Variants in LHFPL3 observed in about 807,000 individuals in gnomAD.
LHFPL3 encodes the protein LHFPL tetraspan subfamily member 3, also known as LHFPL tetraspan subfamily member 3 protein.
LHFPL3 carries 5 observed loss-of-function variants against 19.3 expected under a neutral mutation model. The observed-to-expected ratio is 0.26, with a 90% CI of 0.14 to 0.54. The LOEUF is 0.54. Ranked by LOEUF, LHFPL3 falls within the 20% of genes least tolerant of loss-of-function variation. LHFPL3 has a pLI of 0.94. For missense variants in LHFPL3, 249 were observed against 307.4 expected, an observed-to-expected ratio of 0.81 and a Z score of 1.42; for synonymous variants, 133 against 126.2, an observed-to-expected ratio of 1.05 and a Z score of -0.36.
intron 1 of LHFPL3, among the ~76,000 whole-genome samples, chr7:104,449,827 T>C (rs1201267457): frequency 6.6e-6 from 1 of 152,190 alleles, no homozygotes; most frequent in East Asian, 1.9e-4. Context: ...CTCTGAGCTC[T>C]CTTCCCAAAA....
intron 1 of LHFPL3, among the ~76,000 whole-genome samples, chr7:104,347,321 GT>G (rs944867517): frequency 6.6e-6 from 1 of 152,132 alleles, no homozygotes. Context: ...ATTGAGTAAG[GT>G]CAGTCCTTTC....
chr7:104,358,587 C>G (rs1478619970), intron 1 of LHFPL3, among the ~76,000 whole-genome samples: 1 of 152,178 alleles, frequency 6.6e-6, no homozygotes, highest in Non-Finnish European at 1.5e-5. Context: ...TTTACTTAGA[C>G]AACTTGAAAG....
chr7:104,467,245 T>C (rs1028056291), intron 1 of LHFPL3, among the ~76,000 whole-genome samples: 1 of 152,104 alleles, frequency 6.6e-6, no homozygotes, highest in African/African-American at 2.4e-5. Flanking sequence ...ATCTCACATG[T>C]TTGGTGCAAC....
intron 2 of LHFPL3, among the ~76,000 whole-genome samples, chr7:104,808,890 C>CTTTTTT (rs151212974): frequency 2.6e-5 from 2 of 77,214 alleles, no homozygotes; most frequent in African/African-American, 5.6e-5. Flanking sequence ...ATGATAGATC[C>CTTTTTT]TTTTTTTTTT....
chr7:104,432,535 T>G (rs1792022508), intron 1 of LHFPL3, among the ~76,000 whole-genome samples: 1 of 152,164 alleles, frequency 6.6e-6, no homozygotes, highest in South Asian at 2.1e-4. Context: ...CTCATCTCCT[T>G]CAAAGGCCTC....
At chr7:104,522,704 C>T (rs147153428) in intron 1 of LHFPL3, among the ~76,000 whole-genome samples, 6 of 152,194 alleles carry the variant, frequency 3.9e-5, no homozygotes, top group East Asian at 3.9e-4. Flanking sequence ...TCTTTCTTGC[C>T]ATTTGTCCTG....
intron 2 of LHFPL3, 118 bp from the exon 3 acceptor site, chr7:104,906,068 CA>C: frequency 1.1e-6 from 1 of 905,378 alleles, no homozygotes; most frequent in South Asian, 1.5e-5. Flanking sequence ...GCATTTGAAC[CA>C]TTCATTGGTA....
intron 1 of LHFPL3, among the ~76,000 whole-genome samples, chr7:104,618,401 T>C (rs1791387055): frequency 6.6e-6 from 1 of 152,190 alleles, no homozygotes; most frequent in African/African-American, 2.4e-5. Flanking sequence ...GATGAGGAGA[T>C]TGAGGCATAA....
intron 2 of LHFPL3, among the ~76,000 whole-genome samples, chr7:104,896,453 GCT>G (rs1792363023): frequency 1.3e-5 from 2 of 152,296 alleles, no homozygotes; most frequent in South Asian, 4.1e-4. Flanking sequence ...CAAAAGGTGA[GCT>G]CCATTAACGG....
chr7:104,484,190 C>T (rs758106588), intron 1 of LHFPL3, among the ~76,000 whole-genome samples: 34 of 152,290 alleles, frequency 2.2e-4, no homozygotes, highest in Admixed American at 5.2e-4. Flanking sequence ...CCTACCTCTT[C>T]AGCCATCAGA....
At chr7:104,497,048 C>G (rs1396254957) in intron 1 of LHFPL3, among the ~76,000 whole-genome samples, 3 of 152,126 alleles carry the variant, frequency 2.0e-5, no homozygotes, top group Non-Finnish European at 4.4e-5. Flanking sequence ...CTTCCTACCA[C>G]CAGGAGAAAT....
At chr7:104,789,681 A>G (rs1201243513) in intron 2 of LHFPL3, among the ~76,000 whole-genome samples, 2 of 152,156 alleles carry the variant, frequency 1.3e-5, no homozygotes, top group African/African-American at 2.4e-5. Flanking sequence ...AAGAGGTAGA[A>G]AAGCAGAGAA....
chr7:104,668,031 C>T (rs1325384565), intron 1 of LHFPL3: 45 of 1,613,796 alleles, frequency 2.8e-5, no homozygotes, highest in South Asian at 2.5e-4. Flanking sequence ...CAAATCGCCA[C>T]CCTACACTGC....
chr7:104,338,191 T>G (rs1455723151), intron 1 of LHFPL3, among the ~76,000 whole-genome samples: 1 of 144,876 alleles, frequency 6.9e-6, no homozygotes, highest in Non-Finnish European at 1.5e-5. Context: ...CTCCGCCTTC[T>G]GGGTTCACAC....
intron 2 of LHFPL3, among the ~76,000 whole-genome samples, chr7:104,790,759 G>A (rs745838362): frequency 5.3e-5 from 8 of 152,202 alleles, no homozygotes; most frequent in East Asian, 3.9e-4. Context: ...CAGAATCCTC[G>A]TCATTTTTTA....
chr7:104,498,209 C>G (rs186360742), intron 1 of LHFPL3, among the ~76,000 whole-genome samples: 4 of 151,916 alleles, frequency 2.6e-5, no homozygotes, highest in African/African-American at 4.9e-5. Flanking sequence ...ACTCATGGTG[C>G]TACAAAATGC....
At chr7:104,338,016 C>T (rs769677532) in intron 1 of LHFPL3, among the ~76,000 whole-genome samples, 2 of 149,710 alleles carry the variant, frequency 1.3e-5, no homozygotes, top group African/African-American at 2.5e-5. Flanking sequence ...AACATTAGAA[C>T]TTGGATTAAA....
Position 104,368,314 on chromosome 7 carries a change from G to T in LHFPL3, c.445+39090G>T, listed in dbSNP as rs182743871. ...ATTGTGGTAAGAACACTTAACATGA[G>T]ATCTACCCTCTCATTTTTTGAAAGG... On this transcript the variant is annotated intron_variant, in intron 1 of 2. Transcript: ENST00000424859. Among the ~76,000 whole-genome samples the T allele has an allele frequency of 3.9e-5, 6 of 152,190 alleles. No individual in the cohort carries two copies. The East Asian group carries it at 1.2e-3, about 29-fold the overall frequency.
At chr7:104,777,981 T>C (rs11771722) in intron 2 of LHFPL3, among the ~76,000 whole-genome samples, 49,053 of 151,922 alleles carry the variant, frequency 0.32, 8,338 homozygotes, top group South Asian at 0.39. Context: ...CTGGGATGTA[T>C]TGAACTTGTT....
Sources: gnomAD v4.1 joint callset for allele counts (sites outside exome capture counted in the v4.1 genomes callset) on GRCh38, gnomAD v4.1.1 for gene constraint, MANE v1.5 for transcripts, NCBI Gene and HGNC (gene_info 2026-07-23, HGNC 2026-07-21) for gene names.